Variants in VSTM2B observed in about 807,000 individuals in gnomAD.
The protein encoded by VSTM2B is V-set and transmembrane domain containing 2B, also known as V-set and transmembrane domain-containing protein 2B.
Under a neutral mutation model 24.0 loss-of-function variants are expected in VSTM2B, and 24 were observed. That is an observed-to-expected ratio of 1.00 (90% CI 0.72 to 1.40). The LOEUF is 1.40. VSTM2B is among the 40% of genes most tolerant of loss of function. The probability of loss-of-function intolerance (pLI) is 0.00; values close to 1 mark genes in which losing one functional copy is unlikely to be tolerated. For missense variants in VSTM2B, 399 were observed against 416.4 expected (o/e 0.96, Z 0.36); for synonymous variants, 226 against 194.4 (o/e 1.16, Z -1.35).
intron 4 of VSTM2B, among the ~76,000 whole-genome samples, chr19:29,552,808 G>A (rs1485780261): frequency 6.6e-6 from 1 of 152,202 alleles, no homozygotes; most frequent in Non-Finnish European, 1.5e-5. Flanking sequence ...TTGGACCCAG[G>A]AGGAATTCCC....
chr19:29,542,755 T>C (rs1316549710), intron 4 of VSTM2B, among the ~76,000 whole-genome samples: 1 of 151,872 alleles, frequency 6.6e-6, no homozygotes, highest in African/African-American at 2.4e-5. Context: ...ATGGGTAGAT[T>C]TGGGATACAA....
At chr19:29,539,809 T>G (rs957808) in intron 4 of VSTM2B, among the ~76,000 whole-genome samples, 3,331 of 152,330 alleles carry the variant, frequency 0.022, 125 homozygotes, top group African/African-American at 0.076. Context: ...GTAAGCAGGC[T>G]GCCGGCCAGG....
At chr19:29,554,332 C>T (rs1408484159) in intron 4 of VSTM2B, among the ~76,000 whole-genome samples, 1 of 152,074 alleles carries the variant, frequency 6.6e-6, no homozygotes. Context: ...ACTTTATAAG[C>T]GAAGAAGAAA....
intron 1 of VSTM2B, 190 bp from the exon 2 acceptor site, chr19:29,527,021 T>A: frequency 1.8e-6 from 1 of 553,808 alleles, no homozygotes; most frequent in Non-Finnish European, 3.1e-6. Flanking sequence ...AGGCAGCCGA[T>A]GGCCGGTCCC....
chr19:29,531,631 A>T (rs1347772165), intron 4 of VSTM2B, among the ~76,000 whole-genome samples: 2 of 152,264 alleles, frequency 1.3e-5, no homozygotes, highest in African/African-American at 4.8e-5. Flanking sequence ...GCTTGATCCG[A>T]AGGCCTCATC....
chr19:29,559,439 G>C (rs10408546), intron 4 of VSTM2B, among the ~76,000 whole-genome samples: 1 of 152,106 alleles, frequency 6.6e-6, no homozygotes, highest in East Asian at 1.9e-4. Flanking sequence ...GGAGGGGAAC[G>C]TCACACACTG....
At chr19:29,560,941 A>T (rs1970509686) in intron 4 of VSTM2B, among the ~76,000 whole-genome samples, 2 of 152,016 alleles carry the variant, frequency 1.3e-5, no homozygotes. Flanking sequence ...AAGTGCATCC[A>T]CCTTTAAACA....
Position 29,526,619 on chromosome 19 carries a change from C to A in VSTM2B, c.36C>A (p.Tyr12Ter). The change falls in exon 1 of 5, where the codon TAC (tyrosine) becomes TAA (stop). Residue 12 changes from tyrosine to a stop codon, truncating the protein, a stop_gained. Coordinates refer to ENST00000335523, the MANE Select transcript of VSTM2B (RefSeq NM_001146339.2). LOFTEE classifies it high-confidence loss of function. This position sits in a 1 kb window ranked among gnomAD's most constrained non-coding sequence, Gnocchi z 4.1. Reference protein sequence around the residue: ...EQRNRLGALGYLPPLLLHALL... With the variant: ...EQRNRLGALG Reference sequence around the variant, plus strand: ...GGAACCGGCTCGGTGCCCTCGGATACCTGCCGCCTCTGCTGCTGCATGCCC... The same window carrying A: ...GGAACCGGCTCGGTGCCCTCGGATAACTGCCGCCTCTGCTGCTGCATGCCC... The A allele has an allele frequency of 6.5e-7, 1 of 1,530,386 alleles. No homozygotes were observed. The highest frequency in any genetic ancestry group is 8.7e-7 in the Non-Finnish European group (1 of 1,143,768). The allele number at this position is 1,530,386 out of a possible 1,614,324, so 94.8% of individuals were successfully genotyped here. A position where few individuals can be genotyped will look rare whatever the true frequency, so the allele number is the denominator to read the frequency against.
intron 4 of VSTM2B, among the ~76,000 whole-genome samples, chr19:29,554,601 C>T (rs1344795779): frequency 6.6e-6 from 1 of 152,138 alleles, no homozygotes; most frequent in South Asian, 2.1e-4. Flanking sequence ...CTCTAAATGC[C>T]CCAATTAAAA....
intron 4 of VSTM2B, among the ~76,000 whole-genome samples, chr19:29,545,294 G>A (rs1178883254): frequency 6.6e-6 from 1 of 152,164 alleles, no homozygotes; most frequent in Non-Finnish European, 1.5e-5. Context: ...TGGGGAGCAG[G>A]AGGAAATTGT....
At position 29,530,591 on chromosome 19, in the gene VSTM2B, G is replaced by A. The variant is rs529209201; in HGVS notation, c.769+301G>A. On this transcript the variant is annotated intron_variant, in intron 4 of 4. Coordinates refer to ENST00000335523, the MANE Select transcript of VSTM2B (RefSeq NM_001146339.2). ...AGTGTGGGGAGGCGACCTCTTTTGGGTTTGGAGAACTGGACCCTGAGGGCT... is the reference window on the plus strand; with the variant it reads ...AGTGTGGGGAGGCGACCTCTTTTGGATTTGGAGAACTGGACCCTGAGGGCT... Among the ~76,000 whole-genome samples the A allele has an allele frequency of 1.6e-3, 250 of 152,232 alleles. 2 individuals are homozygous for A. The highest frequency in any genetic ancestry group is 5.8e-3 in the African/African-American group (241 of 41,560).
At chr19:29,557,416 A>T (rs750395105) in intron 4 of VSTM2B, among the ~76,000 whole-genome samples, 18 of 152,280 alleles carry the variant, frequency 1.2e-4, no homozygotes, top group Non-Finnish European at 2.5e-4. Flanking sequence ...ACTTAAATGT[A>T]AGCTGGGCAC....
chr19:29,531,278 T>C (rs193203162), intron 4 of VSTM2B, among the ~76,000 whole-genome samples: 1 of 152,282 alleles, frequency 6.6e-6, no homozygotes, highest in African/African-American at 2.4e-5. Context: ...TCTTGTTTGA[T>C]GCAGAGTCCC....
chr19:29,539,132 G>A (rs1298619841), intron 4 of VSTM2B, among the ~76,000 whole-genome samples: 2 of 152,054 alleles, frequency 1.3e-5, no homozygotes, highest in Non-Finnish European at 2.9e-5. Flanking sequence ...CATAAGTCAC[G>A]AGCTCCTTGG....
intron 3 of VSTM2B, chr19:29,529,103 G>A (rs946813002): frequency 1.0e-6 from 1 of 985,444 alleles, no homozygotes; most frequent in Non-Finnish European, 1.2e-6. Flanking sequence ...AGAGGTGAGG[G>A]CTCCCTGGGT....
chr19:29,550,705 C>T (rs567963562), intron 4 of VSTM2B, among the ~76,000 whole-genome samples: 21 of 152,224 alleles, frequency 1.4e-4, no homozygotes, highest in East Asian at 7.7e-4. Context: ...AGCACTACAG[C>T]GTCAGCCTAT....
intron 4 of VSTM2B, among the ~76,000 whole-genome samples, chr19:29,543,191 A>G (rs1400302653): frequency 6.6e-6 from 1 of 152,196 alleles, no homozygotes; most frequent in Non-Finnish European, 1.5e-5. Flanking sequence ...GCAGATAAAT[A>G]ACTCTATTTA....
In VSTM2B at chr19:29,555,698, AT is replaced by A. The variant is rs34417093; in HGVS notation, c.770-8147del. Reference sequence around the variant, plus strand: ...AAAGATGAAGAGAAAGAAGAATGAAATAGAAAATAAAAAATGATAAAGGAGA... The same window carrying A: ...AAAGATGAAGAGAAAGAAGAATGAAAAGAAAATAAAAAATGATAAAGGAGA... On this transcript the variant is annotated intron_variant, in intron 4 of 4. Transcript: ENST00000335523. Among the ~76,000 whole-genome samples, 946 of 152,236 alleles carry A rather than the reference AT, an allele frequency of 6.2e-3. 6 individuals carry two copies. The highest frequency in any genetic ancestry group is 0.011 in the Admixed American group (170 of 15,298).
chr19:29,559,326 C>A (rs1315951300), intron 4 of VSTM2B, among the ~76,000 whole-genome samples: 3 of 152,186 alleles, frequency 2.0e-5, no homozygotes, highest in Non-Finnish European at 4.4e-5. Context: ...ATGAATGAAG[C>A]TGGAAATCAC....
Sources: allele counts gnomAD v4.1 joint callset (sites outside exome capture counted in the v4.1 genomes callset), GRCh38; gene constraint gnomAD v4.1.1; non-coding constraint Gnocchi (gnomAD v3.1); transcripts MANE v1.5; gene names NCBI Gene and HGNC (gene_info 2026-07-23, HGNC 2026-07-21).